SLC19A3: variants seen among roughly 807,000 people sequenced by gnomAD.
SLC19A3 encodes thiamine transporter 2.
A neutral mutation model predicts 40.2 loss-of-function variants in SLC19A3; 31 were observed. That is an observed-to-expected ratio of 0.77 (90% CI 0.58 to 1.04). The LOEUF (loss-of-function observed/expected upper bound fraction) is 1.04, where lower values mean the gene tolerates loss of function less well. Among genes scored for constraint, SLC19A3 ranks in the 50% least tolerant of loss-of-function variants. The pLI is 0.00. For missense variants in SLC19A3, 592 were observed against 596.7 expected, an observed-to-expected ratio of 0.99 and a Z score of 0.08; for synonymous variants, 212 against 227.5, an observed-to-expected ratio of 0.93 and a Z score of 0.61.
rs1213616391 is a variant in SLC19A3 at position 227,688,235 on chromosome 2, C to T, written c.1245G>A (p.Leu415=). The change falls in exon 5 of 6, where the codon TTG becomes TTA. Residue 415 remains leucine (L), a synonymous_variant. Coordinates refer to ENST00000644224, the MANE Select transcript of SLC19A3 (RefSeq NM_025243.4). Reference sequence around the variant, plus strand: ...TCACAGTCATGATGGTCTGAATCACCAAGGCAATAAAGGTGTTGATTCCAA... The same window carrying T: ...TCACAGTCATGATGGTCTGAATCACTAAGGCAATAAAGGTGTTGATTCCAA... ...LVFGINTFIA[L]VIQTIMTVIV... The T allele has an allele frequency of 1.9e-6, 3 of 1,614,038 alleles. No individual in the cohort carries two copies. The highest frequency in any genetic ancestry group is 1.1e-5 in the South Asian group (1 of 91,082).
Position 227,687,422 on chromosome 2 carries a change from T to G in SLC19A3, c.1466A>C (p.Asn489Thr), listed in dbSNP as rs1455265235. ...TTAGAGTTTTGTTGACATGATGATA[T>G]TACTCTCTTCCTCTGGGTGAGACAC... is the stretch of plus-strand genomic sequence containing the variant. ...PDVSHPEEES[N>T]IIMSTKL The change falls in exon 6 of 6, where the codon AAT becomes ACT. Residue 489 changes from asparagine (N) to threonine (T), a missense_variant. Transcript: ENST00000644224. 1.9e-6 allele frequency: 3 copies of G among 1,613,140 alleles called. No individual in the cohort carries two copies. The highest frequency in any genetic ancestry group is 2.2e-5 in the South Asian group (2 of 90,930).
intron 1 of SLC19A3, among the ~76,000 whole-genome samples, chr2:227,717,476 T>G (rs972338272): frequency 3.3e-5 from 5 of 152,186 alleles, no homozygotes; most frequent in Non-Finnish European, 7.3e-5. Context: ...TAAGGTGTAG[T>G]TGCGTTTTCT....
chr2:227,699,777 A>G (rs981013015), intron 2 of SLC19A3, among the ~76,000 whole-genome samples: 13 of 152,208 alleles, frequency 8.5e-5, no homozygotes, highest in Admixed American at 4.6e-4. Context: ...CCCGGCAGAA[A>G]AATATATTGG....
At chr2:227,707,073 A>G (rs966580880) in intron 1 of SLC19A3, among the ~76,000 whole-genome samples, 1 of 152,162 alleles carries the variant, frequency 6.6e-6, no homozygotes, top group Admixed American at 6.5e-5. Context: ...TCCCTGCTGC[A>G]CCTGCACGGC....
At chr2:227,693,135 C>T (rs1695295332) in intron 4 of SLC19A3, among the ~76,000 whole-genome samples, 1 of 152,088 alleles carries the variant, frequency 6.6e-6, no homozygotes, top group African/African-American at 2.4e-5. Context: ...AAGCAATTTA[C>T]AGATTCAATG....
chr2:227,715,258 CA>C (rs71422214), intron 1 of SLC19A3, among the ~76,000 whole-genome samples: 22,109 of 151,088 alleles, frequency 0.15, 2,147 homozygotes, highest in South Asian at 0.33. Flanking sequence ...ACACCCCCCC[CA>C]AAAAAAAATC....
chr2:227,696,168 G>A, intron 3 of SLC19A3, 87 bp from the exon 4 acceptor site: 2 of 1,271,400 alleles, frequency 1.6e-6, no homozygotes, highest in Admixed American at 1.9e-5. Context: ...CCAGGTCTCG[G>A]GTAATTCTGA....
At chr2:227,691,799 G>A (rs1695240954) in intron 4 of SLC19A3, among the ~76,000 whole-genome samples, 3 of 151,926 alleles carry the variant, frequency 2.0e-5, no homozygotes, top group African/African-American at 7.2e-5. Context: ...CAAAAAGTTG[G>A]GTTTTAGAAA....
intron 2 of SLC19A3, chr2:227,701,160 A>G: frequency 8.3e-7 from 1 of 1,199,670 alleles, no homozygotes; most frequent in South Asian, 1.5e-5. Flanking sequence ...GCTACAGAAG[A>G]AGCTTGCCTT....
intron 1 of SLC19A3, among the ~76,000 whole-genome samples, chr2:227,716,467 C>A (rs1280684815): frequency 1.3e-5 from 2 of 152,118 alleles, no homozygotes; most frequent in Non-Finnish European, 2.9e-5. Context: ...CTCAAAAAAA[C>A]CTTTGTCTGC....
intron 1 of SLC19A3, among the ~76,000 whole-genome samples, chr2:227,709,802 A>G (rs1420092806): frequency 6.6e-6 from 1 of 152,134 alleles, no homozygotes. Context: ...GTCCTCGTCC[A>G]TGTTGTACTG....
chr2:227,690,071 A>G (rs1695162487), intron 4 of SLC19A3, among the ~76,000 whole-genome samples: 1 of 152,194 alleles, frequency 6.6e-6, no homozygotes, highest in African/African-American at 2.4e-5. Flanking sequence ...CACTAAAAGG[A>G]AGAAAGAAAA....
At chr2:227,690,012 C>G (rs1234000385) in intron 4 of SLC19A3, among the ~76,000 whole-genome samples, 1 of 151,574 alleles carries the variant, frequency 6.6e-6, no homozygotes, top group African/African-American at 2.4e-5. Context: ...CAATGGATAC[C>G]CAAAAAGTAA....
At chr2:227,708,086 G>A (rs1288656841) in intron 1 of SLC19A3, among the ~76,000 whole-genome samples, 1 of 152,140 alleles carries the variant, frequency 6.6e-6, no homozygotes, top group African/African-American at 2.4e-5. Context: ...ATTGTTTACT[G>A]CTGGCTCCCC....
At chr2:227,712,355 A>G (rs531874140) in intron 1 of SLC19A3, among the ~76,000 whole-genome samples, 1 of 145,796 alleles carries the variant, frequency 6.9e-6, no homozygotes, top group Non-Finnish European at 1.5e-5. Flanking sequence ...TGTCTCCAAA[A>G]TAAAGAACCC....
intron 4 of SLC19A3, among the ~76,000 whole-genome samples, chr2:227,693,475 A>C (rs552145316): frequency 1.2e-4 from 19 of 152,358 alleles, no homozygotes; most frequent in Non-Finnish European, 2.5e-4. Context: ...TGCCAGGAAC[A>C]TACATTGGGG....
intron 1 of SLC19A3, among the ~76,000 whole-genome samples, chr2:227,707,803 C>G (rs754503297): frequency 2.6e-5 from 4 of 152,140 alleles, no homozygotes; most frequent in Non-Finnish European, 4.4e-5. Flanking sequence ...TTTCAGCTCA[C>G]TACAACCTCT....
rs11334205 is a variant in SLC19A3 at position 227,696,084 on chromosome 2, GA to G, written c.980-4del. 0.99 allele frequency: 1,597,375 copies of G among 1,613,346 alleles called. 791,999 individuals carry two copies. The highest frequency in any genetic ancestry group is 1 in the East Asian group (44,860 of 44,860). On this transcript the variant is annotated splice_region_variant and splice_polypyrimidine_tract_variant and intron_variant, in intron 3 of 5. Transcript: ENST00000644224. ...CACTGCAAAGGCAGCCACAGCCCCT[GA>G]AAAAAAACATTGAAGGCAATCAAAC...
chr2:227,707,831 A>G (rs796858288), intron 1 of SLC19A3, among the ~76,000 whole-genome samples: 22 of 152,136 alleles, frequency 1.4e-4, no homozygotes, highest in African/African-American at 4.8e-4. Context: ...AGGTTCAAGC[A>G]ATTCTCCTGC....
Sources: gnomAD v4.1 joint callset for allele counts (sites outside exome capture counted in the v4.1 genomes callset) on GRCh38, gnomAD v4.1.1 for gene constraint, MANE v1.5 for transcripts, NCBI Gene and HGNC (gene_info 2026-07-23, HGNC 2026-07-21) for gene names.